Variants in SENP3 observed in about 807,000 individuals in gnomAD.
The protein encoded by SENP3 is SUMO specific peptidase 3.
In SENP3, 11 loss-of-function variants were observed where a neutral mutation model predicts 66.2. The observed-to-expected ratio is 0.17, with a 90% confidence interval of 0.10 to 0.28. The LOEUF (loss-of-function observed/expected upper bound fraction) is 0.28. SENP3 is among the 10% of genes least tolerant of loss of function. SENP3 has a pLI of 1.00. For synonymous variants in SENP3, 292 were observed against 277.6 expected (o/e 1.05, Z -0.52); for missense variants, 548 against 743.7 (o/e 0.74, Z 3.06).
chr17:7,563,148 C>T lies in SENP3; in HGVS notation c.72C>T (p.Tyr24=), dbSNP rs1314817955. ...CTGGACCCGGCATACCCCCAGCTTA[C>T]TCAAGTCCCAGGCGGGAGCGTCTTC... ...EPPGPGIPPA[Y]SSPRRERLRW... is the part of the protein sequence containing the mutation. The change falls in exon 2 of 11, where the codon TAC becomes TAT. Residue 24 remains tyrosine, a synonymous_variant. Coordinates refer to ENST00000321337, the MANE Select transcript of SENP3 (RefSeq NM_015670.6). 6 of 1,547,276 alleles carry T rather than the reference C, an allele frequency of 3.9e-6. No homozygotes were observed. In the Admixed American group the frequency reaches 7.9e-5, roughly 20 times the overall value.
chr17:7,564,262 C>T, intron 2 of SENP3: 1 of 413,694 alleles, frequency 2.4e-6, no homozygotes, highest in South Asian at 2.1e-5. Context: ...GTTTCAGGCT[C>T]TCTAGGTCTT....
chr17:7,570,497 T>G lies in SENP3; in HGVS notation c.1479+4T>G. ...CCTAAACCGCCGCTGCCCTAAGGTT[T>G]GAGGGGGTAGGAGAGAGATGGGCAA... On this transcript the variant is annotated splice_donor_region_variant and intron_variant, in intron 8 of 10. Coordinates refer to ENST00000321337, the MANE Select transcript of SENP3 (RefSeq NM_015670.6). The surrounding 1 kb of genome is among the most constrained non-coding windows in gnomAD (Gnocchi z 5.4). 6.2e-7 allele frequency: 1 copy of G among 1,611,316 alleles called. No homozygotes were observed. Among genetic ancestry groups the G allele is most frequent in the South Asian group, 1.1e-5 (1 of 90,948 alleles).
chr17:7,565,797 G>A (rs1400205865), intron 6 of SENP3, 33 bp downstream of exon 6: 1 of 1,603,108 alleles, frequency 6.2e-7, no homozygotes, highest in Non-Finnish European at 8.5e-7. Context: ...GTACCCAGAG[G>A]AACTTCTGCA....
rs2071327647 is a variant in SENP3, at chr17:7,571,904, TATATA to T, written c.*423_*427del. On this transcript the variant is annotated 3_prime_UTR_variant, in exon 11 of 11. Transcript: ENST00000321337. Reference sequence around the variant, plus strand: ...ATATATATATATATATATATATATATATATAAAAATATATAAATGCCACGGTCCTG... The same window carrying T: ...ATATATATATATATATATATATATATAAAATATATAAATGCCACGGTCCTG... The T allele has an allele frequency of 7.3e-5, 1 of 13,716 alleles. No individual in the cohort carries two copies. The highest frequency in any genetic ancestry group is 2.3e-4 in the African/African-American group (1 of 4,416). The allele number at this position is 13,716 out of a possible 1,614,324, so 0.8% of individuals were successfully genotyped here.
chr17:7,561,970 AG>A lies in SENP3; in HGVS notation c.-301del, dbSNP rs2150917157. 1 of 388,702 alleles carries A rather than the reference AG, an allele frequency of 2.6e-6. No homozygotes were observed. Among genetic ancestry groups the A allele is most frequent in the Non-Finnish European group, 4.5e-6 (1 of 220,888 alleles). The allele number at this position is 388,702 out of a possible 1,614,324, so 24.1% of individuals were successfully genotyped here. A position where few individuals can be genotyped will look rare whatever the true frequency, so the allele number is the denominator to read the frequency against. On this transcript the variant is annotated 5_prime_UTR_variant, in exon 1 of 11. Transcript: ENST00000321337. The surrounding 1 kb of genome is among the most constrained non-coding windows in gnomAD (Gnocchi z 4.4). ...TGCCGGTGGGCCCGGGGCTCGCGGG[AG>A]GGGAAGGAGGAGGGGGGGAGGAGTG...
rs1325821902 is a variant in SENP3 at position 7,571,649 on chromosome 17, C to T, written c.*166C>T. ...GTATTTTTTTTTCTTTGAGAGAATA[C>T]TTGTTGATTTCTGATGTGCAGGGGG... is the stretch of plus-strand genomic sequence containing the variant. On this transcript the variant is annotated 3_prime_UTR_variant, in exon 11 of 11. Coordinates refer to ENST00000321337, the MANE Select transcript of SENP3 (RefSeq NM_015670.6). 1.8e-6 allele frequency: 1 copy of T among 546,032 alleles called. No homozygotes were observed. The highest frequency in any genetic ancestry group is 3.3e-6 in the Non-Finnish European group (1 of 306,850). The allele number at this position is 546,032 out of a possible 1,614,324, so 33.8% of individuals were successfully genotyped here. A position where few individuals can be genotyped will look rare whatever the true frequency, so the allele number is the denominator to read the frequency against.
Position 7,570,018 on chromosome 17 carries a change from C to G in SENP3, c.1342-338C>G, listed in dbSNP as rs1016957761. 6.6e-6 allele frequency among the ~76,000 whole-genome samples: 1 copy of G among 152,112 alleles called. No individual in the cohort carries two copies. Among genetic ancestry groups the G allele is most frequent in the Non-Finnish European group, 1.5e-5 (1 of 68,020 alleles). ...TAAGTAGGTTGCCCACTGTCATAAG[C>G]CAGTAAATGGAGGAGCTGTATTTGA... On this transcript the variant is annotated intron_variant, in intron 7 of 10. Coordinates refer to ENST00000321337, the MANE Select transcript of SENP3 (RefSeq NM_015670.6). This position sits in a 1 kb window ranked among gnomAD's most constrained non-coding sequence, Gnocchi z 5.4.
chr17:7,567,515 G>T (rs527778837), intron 7 of SENP3, among the ~76,000 whole-genome samples: 1 of 147,664 alleles, frequency 6.8e-6, no homozygotes, highest in Non-Finnish European at 1.5e-5. Flanking sequence ...GCAAAACTCC[G>T]TCTCAAAAAA....
intron 6 of SENP3, among the ~76,000 whole-genome samples, chr17:7,566,559 G>C (rs1203373167): frequency 1.3e-5 from 2 of 151,216 alleles, no homozygotes; most frequent in Non-Finnish European, 2.9e-5. Context: ...CCAGCTACTC[G>C]GGAGGCTGAG....
chr17:7,563,389 C>T lies in SENP3; in HGVS notation c.313C>T (p.Leu105=). 6.4e-7 allele frequency: 1 copy of T among 1,551,210 alleles called. No individual in the cohort carries two copies. Among genetic ancestry groups the T allele is most frequent in the Non-Finnish European group, 8.7e-7 (1 of 1,147,000 alleles). The change falls in exon 2 of 11, where the codon CTG becomes TTG. Residue 105 remains leucine, a synonymous_variant. Transcript: ENST00000321337. ...GAGGCTGCCCCCAAGATGGAGTCAG[C>T]TGGGAACCTCCCAGCGGCCCCGCCC... The part of the protein sequence containing the change: ...AWRLPPRWSQ[L]GTSQRPRPSR...
intron 7 of SENP3, among the ~76,000 whole-genome samples, chr17:7,567,727 AGAGT>A (rs1467890592): frequency 6.6e-6 from 1 of 152,210 alleles, no homozygotes; most frequent in Non-Finnish European, 1.5e-5. Flanking sequence ...TAGTTGGCGC[AGAGT>A]GAGCAAAGGG....
chr17:7,566,964 G>A lies in SENP3; in HGVS notation c.1301G>A (p.Arg434His), dbSNP rs1395796031. Residue 434 changes from arginine to histidine, a missense_variant, in exon 7 of 11, where the codon CGT (arginine) becomes CAT (histidine). By Grantham distance (29) the Arg-to-His change is conservative. This residue lies in a region of SENP3 where 72 missense variants were observed against 137.9 expected (regional missense o/e 0.52). Coordinates refer to ENST00000321337, the MANE Select transcript of SENP3 (RefSeq NM_015670.6). ...FFNSFFYDKL[R>H]TKGYDGVKRW... is the part of the protein sequence containing the mutation. ...AATAGTTTCTTCTATGATAAACTCC[G>A]TACCAAGGGTTATGATGGGGTGAAA... is the stretch of plus-strand genomic sequence containing the variant. The A allele has an allele frequency of 2.5e-6, 4 of 1,569,356 alleles. No homozygotes were observed. The East Asian group carries it at 7.0e-5, about 27-fold the overall frequency.
rs2071218314 is a variant in SENP3, at chr17:7,561,998, CGGCGGCGGCGGTGGCGCTGGT to C, written c.-268_-248del. On this transcript the variant is annotated 5_prime_UTR_variant, in exon 1 of 11. Transcript: ENST00000321337. This position sits in a 1 kb window ranked among gnomAD's most constrained non-coding sequence, Gnocchi z 4.4. ...GGAAGGAGGAGGGGGGGAGGAGTGG[CGGCGGCGGCGGTGGCGCTGGT>C]GGCGGCGGTGGCGGAGGTGGAGGTG... 2.6e-6 allele frequency: 1 copy of C among 390,296 alleles called. No individual in the cohort carries two copies. Among genetic ancestry groups the C allele is most frequent in the Non-Finnish European group, 4.5e-6 (1 of 221,046 alleles). The allele number at this position is 390,296 out of a possible 1,614,324, so 24.2% of individuals were successfully genotyped here.
chr17:7,566,848 G>A, intron 6 of SENP3, 79 bp from the exon 7 acceptor site: 1 of 1,023,776 alleles, frequency 9.8e-7, no homozygotes, highest in Non-Finnish European at 1.5e-6. Context: ...TTTACTGTCA[G>A]TGGACTGAGG....
intron 7 of SENP3, among the ~76,000 whole-genome samples, chr17:7,568,587 T>C (rs2071286273): frequency 6.6e-6 from 1 of 151,716 alleles, no homozygotes; most frequent in South Asian, 2.1e-4. Context: ...AAACTCTGTC[T>C]CAAAAAAGAA....
chr17:7,566,564 G>A (rs1361026537), intron 6 of SENP3, among the ~76,000 whole-genome samples: 3 of 151,770 alleles, frequency 2.0e-5, no homozygotes, highest in Non-Finnish European at 4.4e-5. Flanking sequence ...TACTCGGGAG[G>A]CTGAGGCGGG....
Position 7,570,625 on chromosome 17 carries a change from T to C in SENP3, c.1480-56T>C. 6.3e-7 allele frequency: 1 copy of C among 1,586,234 alleles called. No homozygotes were observed. Among genetic ancestry groups the C allele is most frequent in the South Asian group, 1.1e-5 (1 of 88,244 alleles). On this transcript the variant is annotated intron_variant, in intron 8 of 10. Transcript: ENST00000321337. The surrounding 1 kb of genome is among the most constrained non-coding windows in gnomAD (Gnocchi z 5.4). The stretch of plus-strand genomic sequence containing the variant: ...GTGTCTGCCAGCACTGTACCCACCA[T>C]ACTGTGTTCAATTGAGAAACTTAGG...
At position 7,570,591 on chromosome 17, in the gene SENP3, C is replaced by A. The variant is rs757218145; in HGVS notation, c.1480-90C>A. ...GGGCTTTGGGTCTTTGAGGGGCGAC[C>A]TGGGCATGGTGTCTGCCAGCACTGT... On this transcript the variant is annotated intron_variant, in intron 8 of 10. Coordinates refer to ENST00000321337, the MANE Select transcript of SENP3 (RefSeq NM_015670.6). This position sits in a 1 kb window ranked among gnomAD's most constrained non-coding sequence, Gnocchi z 5.4. 3.4e-5 allele frequency: 54 copies of A among 1,567,808 alleles called. 2 individuals carry two copies. The South Asian group carries it at 6.0e-4, about 17-fold the overall frequency.
At position 7,564,474 on chromosome 17, in the gene SENP3, C is replaced by G. The variant is rs1178064758; in HGVS notation, c.716-151C>G. On this transcript the variant is annotated intron_variant, in intron 2 of 10. Transcript: ENST00000321337. ...TGTTTATCTCATGCTTATGGGGTCC[C>G]CATTTCTTGGAGTGGGATTGACATT... The G allele has an allele frequency of 3.6e-6, 4 of 1,122,098 alleles. No homozygotes were observed. The East Asian group carries it at 1.0e-4, about 29-fold the overall frequency. The allele number at this position is 1,122,098 out of a possible 1,614,324, so 69.5% of individuals were successfully genotyped here. A position where few individuals can be genotyped will look rare whatever the true frequency, so the allele number is the denominator to read the frequency against.
Sources: allele counts gnomAD v4.1 joint callset (sites outside exome capture counted in the v4.1 genomes callset), GRCh38; gene constraint gnomAD v4.1.1; regional missense constraint gnomAD v4.1.1; non-coding constraint Gnocchi (gnomAD v3.1); transcripts MANE v1.5; gene names NCBI Gene and HGNC (gene_info 2026-07-23, HGNC 2026-07-21).